The following FAM193A variants were observed in gnomAD, a reference collection of about 807,000 sequenced individuals.
The protein encoded by FAM193A is protein FAM193A.
FAM193A carries 22 observed loss-of-function variants against 126.5 expected under a neutral mutation model. That is an observed-to-expected ratio of 0.17 (90% CI 0.12 to 0.25). FAM193A has a LOEUF of 0.25. FAM193A is among the 10% of genes least tolerant of loss of function. The pLI is 1.00. For missense variants in FAM193A, 1,675 were observed against 1,672.8 expected (o/e 1.00, Z -0.02); for synonymous variants, 761 against 646.8 (o/e 1.18, Z -2.68).
chr4:2,704,024 T>C (rs534949756), intron 19 of FAM193A, among the ~76,000 whole-genome samples: 2 of 151,844 alleles, frequency 1.3e-5, no homozygotes, highest in South Asian at 4.2e-4. Flanking sequence ...TCCCAACATG[T>C]TGGGAGGCCG....
At chr4:2,578,466 C>G (rs759261724) in intron 1 of FAM193A, among the ~76,000 whole-genome samples, 2 of 151,784 alleles carry the variant, frequency 1.3e-5, no homozygotes, top group Non-Finnish European at 2.9e-5. Flanking sequence ...TTTTTCCCCC[C>G]TCAATCTTCC....
intron 19 of FAM193A, among the ~76,000 whole-genome samples, chr4:2,713,119 A>AAT (rs1719164715): frequency 6.8e-6 from 1 of 147,840 alleles, no homozygotes; most frequent in African/African-American, 2.5e-5. Flanking sequence ...AAAAAAAAAA[A>AAT]AAATTGTCCA....
intron 7 of FAM193A, among the ~76,000 whole-genome samples, chr4:2,650,503 G>A (rs188850859): frequency 2.2e-4 from 34 of 152,278 alleles, no homozygotes; most frequent in African/African-American, 5.3e-4. Flanking sequence ...TCACGGGTGC[G>A]GTAGGGGAAG....
intron 1 of FAM193A, among the ~76,000 whole-genome samples, chr4:2,540,507 C>T (rs1449442229): frequency 6.9e-6 from 1 of 145,592 alleles, no homozygotes; most frequent in Admixed American, 6.9e-5. Flanking sequence ...ATTAGCCAGG[C>T]GTGGTGGCGG....
chr4:2,542,232 C>T (rs1326009339), intron 1 of FAM193A, among the ~76,000 whole-genome samples: 2 of 152,024 alleles, frequency 1.3e-5, no homozygotes, highest in Non-Finnish European at 2.9e-5. Context: ...GTCTAGAACT[C>T]CTGACCTTGT....
At chr4:2,635,311 C>T (rs1743980969) in intron 5 of FAM193A, among the ~76,000 whole-genome samples, 1 of 152,014 alleles carries the variant, frequency 6.6e-6, no homozygotes, top group African/African-American at 2.4e-5. Context: ...GGACTTAGGC[C>T]CCTTTATACT....
At chr4:2,707,873 C>T (rs1190039124) in intron 19 of FAM193A, among the ~76,000 whole-genome samples, 3 of 151,880 alleles carry the variant, frequency 2.0e-5, no homozygotes, top group Non-Finnish European at 2.9e-5. Flanking sequence ...CCCACCCTCC[C>T]GAGTAGCTGG....
intron 1 of FAM193A, among the ~76,000 whole-genome samples, chr4:2,562,539 G>A (rs182402394): frequency 6.6e-6 from 1 of 152,090 alleles, no homozygotes; most frequent in Non-Finnish European, 1.5e-5. Context: ...CCCTTAGGCT[G>A]TAGGAAAAAC....
intron 1 of FAM193A, among the ~76,000 whole-genome samples, chr4:2,543,448 G>A (rs1288751655): frequency 6.6e-6 from 1 of 152,114 alleles, no homozygotes; most frequent in Non-Finnish European, 1.5e-5. Flanking sequence ...TATAATCCCA[G>A]CATTTAGGGA....
intron 1 of FAM193A, among the ~76,000 whole-genome samples, chr4:2,551,529 T>G (rs1017769063): frequency 6.6e-6 from 1 of 152,234 alleles, no homozygotes; most frequent in Non-Finnish European, 1.5e-5. Flanking sequence ...AAGGAATTGG[T>G]TCATTTCATC....
At chr4:2,609,434 A>G (rs920077110) in intron 2 of FAM193A, among the ~76,000 whole-genome samples, 18 of 152,060 alleles carry the variant, frequency 1.2e-4, no homozygotes, top group African/African-American at 1.9e-4. Context: ...TTAAGTTTCT[A>G]TCTATTTTTC....
At chr4:2,607,842 C>T in intron 2 of FAM193A, 1 of 594,298 alleles carries the variant, frequency 1.7e-6, no homozygotes. Flanking sequence ...TCTTTATATA[C>T]ACTCAGTAGC....
chr4:2,654,259 C>A (rs1261396853), intron 7 of FAM193A, among the ~76,000 whole-genome samples: 1 of 151,942 alleles, frequency 6.6e-6, no homozygotes, highest in African/African-American at 2.4e-5. Flanking sequence ...CTTACTCTCT[C>A]AACTAGGCGG....
intron 12 of FAM193A, among the ~76,000 whole-genome samples, chr4:2,665,091 T>C (rs1490218445): frequency 6.6e-6 from 1 of 152,198 alleles, no homozygotes; most frequent in East Asian, 1.9e-4. Context: ...CCTAACAAAA[T>C]TGAGTCTTCT....
intron 1 of FAM193A, among the ~76,000 whole-genome samples, chr4:2,581,894 C>G (rs890162017): frequency 6.6e-6 from 1 of 152,096 alleles, no homozygotes; most frequent in Non-Finnish European, 1.5e-5. Flanking sequence ...ACCTCGTGAT[C>G]TGCCTGCCTC....
intron 13 of FAM193A, among the ~76,000 whole-genome samples, chr4:2,685,236 T>A (rs1468231963): frequency 2.6e-5 from 4 of 152,120 alleles, no homozygotes; most frequent in Admixed American, 2.6e-4. Context: ...GAGGACCGGG[T>A]GCCAAGTAGC....
At chr4:2,681,755 C>G (rs780747341) in intron 13 of FAM193A, among the ~76,000 whole-genome samples, 1 of 152,014 alleles carries the variant, frequency 6.6e-6, no homozygotes, top group South Asian at 2.1e-4. Context: ...TGAGCCACCA[C>G]GCCTATCCTA....
At chr4:2,727,777 C>T (rs1192758427) in intron 20 of FAM193A, among the ~76,000 whole-genome samples, 1 of 152,126 alleles carries the variant, frequency 6.6e-6, no homozygotes, top group African/African-American at 2.4e-5. Context: ...CCGCAGCCCA[C>T]AGATGGTGCC....
chr4:2,675,796 T>A (rs1403992720), intron 13 of FAM193A, among the ~76,000 whole-genome samples: 2 of 152,092 alleles, frequency 1.3e-5, no homozygotes, highest in Admixed American at 6.5e-5. Flanking sequence ...AAACAATAAC[T>A]CCACTTCTCC....
Sources: gnomAD v4.1 joint callset for allele counts (sites outside exome capture counted in the v4.1 genomes callset) on GRCh38, gnomAD v4.1.1 for gene constraint, MANE v1.5 for transcripts, NCBI Gene and HGNC (gene_info 2026-07-23, HGNC 2026-07-21) for gene names.